Variants in GRID1 observed in about 807,000 individuals in gnomAD.
GRID1 encodes glutamate ionotropic receptor delta type subunit 1.
Under a neutral mutation model 98.0 loss-of-function variants are expected in GRID1, and 28 were observed. The ratio of observed to expected loss-of-function variants is 0.29; its 90% CI spans 0.21 to 0.39. The LOEUF (loss-of-function observed/expected upper bound fraction) is 0.39, where lower values mean the gene tolerates loss of function less well. GRID1 is among the 10% of genes least tolerant of loss of function. GRID1 has a pLI of 1.00. For missense variants in GRID1, 1,111 were observed against 1,340.5 expected, an observed-to-expected ratio of 0.83 and a Z score of 2.67; for synonymous variants, 553 against 538.5, an observed-to-expected ratio of 1.03 and a Z score of -0.37.
At chr10:85,711,494 T>A (rs1462662060) in intron 12 of GRID1, among the ~76,000 whole-genome samples, 1 of 151,940 alleles carries the variant, frequency 6.6e-6, no homozygotes, top group African/African-American at 2.4e-5. Context: ...AATTAGTTCT[T>A]TCATAGGTAC....
At chr10:85,767,102 G>T (rs1241092459) in intron 8 of GRID1, among the ~76,000 whole-genome samples, 2 of 152,128 alleles carry the variant, frequency 1.3e-5, no homozygotes, top group Non-Finnish European at 2.9e-5. Flanking sequence ...AGCGCATTTG[G>T]CAGAGTTATT....
intron 4 of GRID1, among the ~76,000 whole-genome samples, chr10:85,957,446 TC>T (rs1842209373): frequency 6.6e-6 from 1 of 151,924 alleles, no homozygotes; most frequent in Admixed American, 6.6e-5. Flanking sequence ...GTCTTGGTGT[TC>T]CCCCCGGTTG....
chr10:85,983,633 C>T (rs1266466122), intron 4 of GRID1, among the ~76,000 whole-genome samples: 1 of 152,184 alleles, frequency 6.6e-6, no homozygotes, highest in Non-Finnish European at 1.5e-5. Flanking sequence ...AGTTGCCCAT[C>T]CTCTCCTGGG....
chr10:85,950,915 G>A (rs1842116441), intron 4 of GRID1, among the ~76,000 whole-genome samples: 1 of 152,194 alleles, frequency 6.6e-6, no homozygotes, highest in Non-Finnish European at 1.5e-5. Flanking sequence ...GAGTAATACT[G>A]TACCATCATC....
chr10:85,720,727 C>G (rs902090364), intron 12 of GRID1, among the ~76,000 whole-genome samples: 5 of 150,418 alleles, frequency 3.3e-5, no homozygotes, highest in Admixed American at 2.6e-4. Flanking sequence ...AAAATTATCT[C>G]AAAATTGATT....
intron 2 of GRID1, among the ~76,000 whole-genome samples, chr10:86,274,936 T>G (rs908026319): frequency 2.0e-5 from 3 of 152,150 alleles, no homozygotes; most frequent in Non-Finnish European, 4.4e-5. Flanking sequence ...TGGCCAGAAC[T>G]TCCAACACTA....
intron 12 of GRID1, among the ~76,000 whole-genome samples, chr10:85,705,890 G>T (rs1048094224): frequency 2.6e-5 from 4 of 152,122 alleles, no homozygotes; most frequent in Non-Finnish European, 5.9e-5. Context: ...ATGCAGAAAA[G>T]GCCTTCAATA....
rs138013124 is a variant in GRID1, at chr10:86,314,345, G to C, written c.235+49596C>G. On this transcript the variant is annotated intron_variant, in intron 2 of 15. Coordinates refer to ENST00000327946, the MANE Select transcript of GRID1 (RefSeq NM_017551.3). The stretch of plus-strand genomic sequence containing the variant: ...AAGGGTTGTCCCAACCATGAAGTCA[G>C]AAACTCCAGATGATGGTAGGTGGCA... Among the ~76,000 whole-genome samples, 3 of 152,346 alleles carry C rather than the reference G, an allele frequency of 2.0e-5. No individual in the cohort carries two copies. In the East Asian group the frequency reaches 5.8e-4, roughly 29 times the overall value.
In GRID1 at chr10:85,820,019, AAGGAAGGAAGGCAGGC is replaced by A. The variant is rs1426538966; in HGVS notation, c.1233+34461_1233+34476del. Among the ~76,000 whole-genome samples the A allele has an allele frequency of 4.0e-3, 450 of 112,670 alleles. 3 individuals are homozygous for A. The highest frequency in any genetic ancestry group is 0.018 in the African/African-American group (360 of 20,032). The allele number at this position is 112,670 out of a possible 152,430, so 73.9% of individuals were successfully genotyped here. ...GAAGGAAGGAAGGAAGGAAGGAAGG[AAGGAAGGAAGGCAGGC>A]AGGCAGGCAGGCAGGCAGGCAGGCA... On this transcript the variant is annotated intron_variant, in intron 8 of 15. Coordinates refer to ENST00000327946, the MANE Select transcript of GRID1 (RefSeq NM_017551.3).
chr10:85,930,822 CT>C (rs927510814), intron 4 of GRID1, among the ~76,000 whole-genome samples: 5 of 152,114 alleles, frequency 3.3e-5, no homozygotes, highest in South Asian at 2.1e-4. Flanking sequence ...TCTCCAGTAT[CT>C]TCTAGTATGG....
At chr10:85,709,038 A>G in intron 12 of GRID1, 1 of 313,872 alleles carries the variant, frequency 3.2e-6, no homozygotes, top group Non-Finnish European at 6.5e-6. Flanking sequence ...CTAAAATTGA[A>G]CTACTTGGGT....
chr10:85,946,930 C>CA (rs768875436), intron 4 of GRID1, among the ~76,000 whole-genome samples: 1 of 152,084 alleles, frequency 6.6e-6, no homozygotes, highest in Non-Finnish European at 1.5e-5. Flanking sequence ...GCTCACAATG[C>CA]GGAAATGTGG....
chr10:86,268,373 T>G (rs1847136404), intron 2 of GRID1, among the ~76,000 whole-genome samples: 1 of 152,220 alleles, frequency 6.6e-6, no homozygotes, highest in African/African-American at 2.4e-5. Flanking sequence ...TGGCTGCTTG[T>G]CAGCCTGTTT....
At chr10:85,697,931 C>G (rs558934194) in intron 12 of GRID1, among the ~76,000 whole-genome samples, 2 of 152,112 alleles carry the variant, frequency 1.3e-5, no homozygotes, top group Non-Finnish European at 2.9e-5. Flanking sequence ...ATATGGTCCA[C>G]TTTGAATAGC....
intron 4 of GRID1, among the ~76,000 whole-genome samples, chr10:86,021,614 A>G (rs1843050165): frequency 6.6e-6 from 1 of 152,116 alleles, no homozygotes; most frequent in African/African-American, 2.4e-5. Context: ...CCACACATGC[A>G]TGATCTCCAC....
intron 12 of GRID1, among the ~76,000 whole-genome samples, chr10:85,704,230 C>T (rs142204322): frequency 1.8e-3 from 272 of 152,168 alleles, no homozygotes; most frequent in African/African-American, 5.4e-3. Context: ...ACCCATCTCA[C>T]GTGCAAAGAC....
intron 8 of GRID1, among the ~76,000 whole-genome samples, chr10:85,742,509 G>A (rs1841954250): frequency 6.6e-6 from 1 of 151,964 alleles, no homozygotes; most frequent in Admixed American, 6.6e-5. Flanking sequence ...TTCTTTCAAG[G>A]TTCAATTGTC....
intron 4 of GRID1, among the ~76,000 whole-genome samples, chr10:86,096,471 T>C (rs1044662103): frequency 6.2e-4 from 95 of 152,292 alleles, no homozygotes; most frequent in African/African-American, 2.2e-3. Context: ...CTGGACCACT[T>C]CCATCAGAGA....
chr10:85,856,703 C>T (rs1262755618), intron 6 of GRID1, among the ~76,000 whole-genome samples: 1 of 152,228 alleles, frequency 6.6e-6, no homozygotes, highest in Non-Finnish European at 1.5e-5. Flanking sequence ...ACTGTTATAA[C>T]TTGAAAGCAG....
Sources: allele counts gnomAD v4.1 joint callset (sites outside exome capture counted in the v4.1 genomes callset), GRCh38; gene constraint gnomAD v4.1.1; transcripts MANE v1.5; gene names NCBI Gene and HGNC (gene_info 2026-07-23, HGNC 2026-07-21).